Variants in ODAD2 observed in about 807,000 individuals in gnomAD.
The protein encoded by ODAD2 is outer dynein arm docking complex subunit 2.
Under a neutral mutation model 106.8 loss-of-function variants are expected in ODAD2, and 89 were observed. That is an observed-to-expected ratio of 0.83 (90% CI 0.70 to 0.99). The LOEUF (loss-of-function observed/expected upper bound fraction) is 0.99. Ranked by LOEUF, ODAD2 falls within the 50% of genes least tolerant of loss-of-function variation. The probability of loss-of-function intolerance (pLI) is 0.00; values close to 1 mark genes in which losing one functional copy is unlikely to be tolerated. For missense variants in ODAD2, 1,168 were observed against 1,238.5 expected, an observed-to-expected ratio of 0.94 and a Z score of 0.85; for synonymous variants, 404 against 436.2, an observed-to-expected ratio of 0.93 and a Z score of 0.92.
At chr10:27,946,782 C>T (rs149616301) in intron 10 of ODAD2, among the ~76,000 whole-genome samples, 1 of 152,140 alleles carries the variant, frequency 6.6e-6, no homozygotes, top group Non-Finnish European at 1.5e-5. Flanking sequence ...CATATGCAAA[C>T]CCTCTTGTGA....
intron 12 of ODAD2, among the ~76,000 whole-genome samples, chr10:27,943,945 G>T (rs996259668): frequency 1.3e-5 from 2 of 151,874 alleles, no homozygotes; most frequent in African/African-American, 4.8e-5. Context: ...TGTATACTTG[G>T]ATGCATTCCT....
rs546928912 is a variant in ODAD2 at position 27,812,578 on chromosome 10, A to C, written c.3069T>G (p.Ala1023=). 14 of 1,613,182 alleles carry C rather than the reference A, an allele frequency of 8.7e-6. No individual in the cohort carries two copies. Among genetic ancestry groups the C allele is most frequent in the Non-Finnish European group, 1.2e-5 (14 of 1,179,810 alleles). The part of the protein sequence containing the change: ...VGSPDQDLQE[A]AAGCISNIRR... ...GGATATTGGATATACAACCAGCTGC[A>C]GCTTCCTGGAGATCCTGGTCAGGGG... Residue 1023 remains alanine (A), a synonymous_variant, in exon 20 of 20, where the codon GCT becomes GCG. Transcript: ENST00000305242.
chr10:27,982,152 T>A (rs1849591528), intron 6 of ODAD2, among the ~76,000 whole-genome samples: 1 of 148,076 alleles, frequency 6.8e-6, no homozygotes, highest in Non-Finnish European at 1.5e-5. Context: ...TCTATTGTTC[T>A]TCCATAACAG....
intron 7 of ODAD2, among the ~76,000 whole-genome samples, chr10:27,973,734 C>CAAAA (rs1457077275): frequency 6.6e-6 from 1 of 152,122 alleles, no homozygotes; most frequent in Non-Finnish European, 1.5e-5. Flanking sequence ...GCGAATAGTG[C>CAAAA]TGCAATGAAC....
At chr10:27,951,920 CAA>C (rs1167999703) in intron 10 of ODAD2, among the ~76,000 whole-genome samples, 2 of 151,238 alleles carry the variant, frequency 1.3e-5, no homozygotes, top group African/African-American at 4.9e-5. Context: ...ACTAAAAATA[CAA>C]AAATTAGCCA....
At chr10:27,970,077 GGT>G (rs1848739111) in intron 8 of ODAD2, among the ~76,000 whole-genome samples, 2 of 151,122 alleles carry the variant, frequency 1.3e-5, no homozygotes, top group Non-Finnish European at 2.9e-5. Flanking sequence ...CTGCAGCCTG[GGT>G]GACAGCGAGA....
Position 27,995,013 on chromosome 10 carries a change from T to C in ODAD2, c.130A>G (p.Lys44Glu). The change falls in exon 2 of 20, where the codon AAA becomes GAA. Residue 44 changes from lysine (K) to glutamate (E), a missense_variant. Around this residue, in one of 3 missense-constraint regions of ODAD2, gnomAD observed 430 missense variants for 452.2 expected, o/e 0.95. Transcript: ENST00000305242. ...ACAAATTTTGCCTCTTGAGGATGTT[T>C]ATAGATAAAACTCTCCACAAACACA... ...IIVFVESFIY[K>E]HPQEAKFVFV... 1 of 1,614,188 alleles carries C rather than the reference T, an allele frequency of 6.2e-7. No individual in the cohort carries two copies. Among genetic ancestry groups the C allele is most frequent in the Non-Finnish European group, 8.5e-7 (1 of 1,180,026 alleles).
chr10:27,875,494 T>G (rs950776384), intron 17 of ODAD2, among the ~76,000 whole-genome samples: 2 of 152,202 alleles, frequency 1.3e-5, no homozygotes. Flanking sequence ...TTTATCTACC[T>G]TTGGTCTTTC....
intron 10 of ODAD2, among the ~76,000 whole-genome samples, chr10:27,951,216 A>T (rs557020785): frequency 6.6e-6 from 1 of 152,358 alleles, no homozygotes; most frequent in East Asian, 1.9e-4. Context: ...ATTCATGTAA[A>T]CCAACCAAAA....
intron 17 of ODAD2, among the ~76,000 whole-genome samples, chr10:27,884,133 G>A (rs768129501): frequency 6.6e-6 from 1 of 152,098 alleles, no homozygotes; most frequent in Non-Finnish European, 1.5e-5. Context: ...ACATCACAGT[G>A]AAACTATTGA....
chr10:27,957,602 C>G (rs986317451), intron 10 of ODAD2: 1 of 152,034 alleles, frequency 6.6e-6, no homozygotes, highest in East Asian at 1.9e-4. Context: ...AGAAAAGAAG[C>G]TGGAAGGTTG....
At chr10:27,816,061 T>A (rs999417142) in intron 19 of ODAD2, among the ~76,000 whole-genome samples, 3 of 152,176 alleles carry the variant, frequency 2.0e-5, no homozygotes, top group African/African-American at 7.2e-5. Context: ...CCCACCCTCA[T>A]CTCCCCTATG....
At chr10:27,865,103 G>A (rs1480317977) in intron 17 of ODAD2, among the ~76,000 whole-genome samples, 2 of 151,930 alleles carry the variant, frequency 1.3e-5, no homozygotes, top group African/African-American at 2.4e-5. Flanking sequence ...ACTCCACAAC[G>A]TTGTTTGCAA....
chr10:27,922,933 A>C (rs1844896113), intron 16 of ODAD2, among the ~76,000 whole-genome samples: 1 of 151,600 alleles, frequency 6.6e-6, no homozygotes. Flanking sequence ...TAAAACAAAA[A>C]CAAACAAACA....
intron 9 of ODAD2, among the ~76,000 whole-genome samples, chr10:27,964,835 C>G (rs1005387052): frequency 6.6e-6 from 1 of 152,118 alleles, no homozygotes; most frequent in Non-Finnish European, 1.5e-5. Flanking sequence ...CCATTTCTGT[C>G]TTTTATACTG....
At chr10:27,932,536 G>T (rs1226112058) in intron 16 of ODAD2, among the ~76,000 whole-genome samples, 3 of 152,138 alleles carry the variant, frequency 2.0e-5, no homozygotes, top group African/African-American at 4.8e-5. Flanking sequence ...ACTAACAAGG[G>T]AGACAATGAT....
intron 17 of ODAD2, among the ~76,000 whole-genome samples, chr10:27,890,908 C>A: frequency 6.6e-6 from 1 of 151,996 alleles, no homozygotes; most frequent in Non-Finnish European, 1.5e-5. Context: ...GAGGCAGAAC[C>A]CAAATGCAGA....
In ODAD2 at chr10:27,981,595, A is replaced by C; in HGVS notation, c.820-13T>G. On this transcript the variant is annotated splice_polypyrimidine_tract_variant and intron_variant, in intron 6 of 19. Coordinates refer to ENST00000305242, the MANE Select transcript of ODAD2 (RefSeq NM_018076.5). Reference sequence around the variant, plus strand: ...CATCTGTTTTGCCCTTTGGGAAAAAACAAGTTTCATTCTATGATTAACATA... The same window carrying C: ...CATCTGTTTTGCCCTTTGGGAAAAACCAAGTTTCATTCTATGATTAACATA... 1.3e-6 allele frequency: 2 copies of C among 1,501,658 alleles called. No homozygotes were observed. Among genetic ancestry groups the C allele is most frequent in the Non-Finnish European group, 1.8e-6 (2 of 1,122,542 alleles). The allele number at this position is 1,501,658 out of a possible 1,614,324, so 93.0% of individuals were successfully genotyped here.
At chr10:27,947,222 T>C (rs929787155) in intron 10 of ODAD2, among the ~76,000 whole-genome samples, 1 of 152,154 alleles carries the variant, frequency 6.6e-6, no homozygotes, top group East Asian at 1.9e-4. Flanking sequence ...TAAACCCCCA[T>C]ATTTGGGTGC....
Sources: gnomAD v4.1 joint callset for allele counts (sites outside exome capture counted in the v4.1 genomes callset) on GRCh38, gnomAD v4.1.1 for gene constraint, gnomAD v4.1.1 regional missense constraint, MANE v1.5 for transcripts, NCBI Gene and HGNC (gene_info 2026-07-23, HGNC 2026-07-21) for gene names.